The following LDLRAD4 variants were observed in gnomAD, a reference collection of about 807,000 sequenced individuals.
LDLRAD4 encodes low density lipoprotein receptor class A domain containing 4.
A neutral mutation model predicts 17.0 loss-of-function variants in LDLRAD4; 5 were observed. The ratio of observed to expected loss-of-function variants is 0.29; its 90% CI spans 0.15 to 0.62. The LOEUF (loss-of-function observed/expected upper bound fraction) is 0.62, where lower values mean the gene tolerates loss of function less well. Among genes scored for constraint, LDLRAD4 ranks in the 20% least tolerant of loss-of-function variants. LDLRAD4 has a pLI of 0.84. For synonymous variants in LDLRAD4, 168 were observed against 171.8 expected (o/e 0.98, Z 0.17); for missense variants, 340 against 424.7 (o/e 0.80, Z 1.75).
At chr18:13,431,208 T>G (rs1254271282) in intron 2 of LDLRAD4, among the ~76,000 whole-genome samples, 2 of 152,200 alleles carry the variant, frequency 1.3e-5, no homozygotes, top group Non-Finnish European at 2.9e-5. Flanking sequence ...AAGCCACTGT[T>G]GATATATGGG....
At chr18:13,493,642 C>T (rs1034385630) in intron 3 of LDLRAD4, among the ~76,000 whole-genome samples, 1 of 152,150 alleles carries the variant, frequency 6.6e-6, no homozygotes, top group African/African-American at 2.4e-5. Flanking sequence ...CATAGGACAC[C>T]GTGCCTGACT....
intron 3 of LDLRAD4, among the ~76,000 whole-genome samples, chr18:13,442,223 A>G (rs982352999): frequency 2.0e-5 from 3 of 152,252 alleles, no homozygotes; most frequent in East Asian, 3.8e-4. Flanking sequence ...GAAGGAAAAT[A>G]TAGACCCTGC....
intron 1 of LDLRAD4, among the ~76,000 whole-genome samples, chr18:13,368,332 C>T (rs1300388842): frequency 5.3e-5 from 8 of 151,916 alleles, no homozygotes; most frequent in South Asian, 2.1e-4. Flanking sequence ...CTGCAGAGAA[C>T]GGGGGCCTGG....
chr18:13,292,774 G>GGAGATCT (rs2046037408), intron 1 of LDLRAD4, among the ~76,000 whole-genome samples: 1 of 151,288 alleles, frequency 6.6e-6, no homozygotes, highest in African/African-American at 2.4e-5. Context: ...GCAGTAGGTG[G>GGAGATCT]CCTTCTACTT....
intron 3 of LDLRAD4, among the ~76,000 whole-genome samples, chr18:13,554,363 T>A (rs1601341640): frequency 7.4e-6 from 1 of 135,748 alleles, no homozygotes; most frequent in South Asian, 2.1e-4. Context: ...TTTTTCTAGG[T>A]GTCAAGGGAG....
chr18:13,418,741 T>A (rs1331793394), intron 2 of LDLRAD4, among the ~76,000 whole-genome samples: 2 of 152,240 alleles, frequency 1.3e-5, no homozygotes, highest in Non-Finnish European at 2.9e-5. Flanking sequence ...CTGAAGCATT[T>A]ATTTATTCAG....
intron 1 of LDLRAD4, among the ~76,000 whole-genome samples, chr18:13,333,280 A>G (rs2143803476): frequency 6.6e-6 from 1 of 151,990 alleles, no homozygotes; most frequent in Admixed American, 6.5e-5. Context: ...CTTATTTTTG[A>G]GTTTTAAGAA....
chr18:13,335,185 T>C (rs199905497), intron 1 of LDLRAD4, among the ~76,000 whole-genome samples: 1 of 152,332 alleles, frequency 6.6e-6, no homozygotes, highest in East Asian at 1.9e-4. Flanking sequence ...GTAACCTTTT[T>C]GATTATAACT....
intron 1 of LDLRAD4, among the ~76,000 whole-genome samples, chr18:13,331,353 A>G (rs1042576001): frequency 6.6e-6 from 1 of 152,204 alleles, no homozygotes; most frequent in South Asian, 2.1e-4. Flanking sequence ...TTGCTCTCAG[A>G]AGACTTCTGT....
chr18:13,479,973 C>T (rs978386263), intron 3 of LDLRAD4, among the ~76,000 whole-genome samples: 10 of 152,254 alleles, frequency 6.6e-5, no homozygotes, highest in South Asian at 2.1e-4. Context: ...TCATCTATGG[C>T]GGGGGGCAGC....
intron 1 of LDLRAD4, among the ~76,000 whole-genome samples, chr18:13,320,895 A>T (rs1023995228): frequency 6.6e-6 from 1 of 152,028 alleles, no homozygotes; most frequent in Admixed American, 6.6e-5. Context: ...TCCCAGTGGG[A>T]CCCTCCAGAA....
chr18:13,404,259 TC>T (rs2087509016), intron 2 of LDLRAD4, among the ~76,000 whole-genome samples: 1 of 152,152 alleles, frequency 6.6e-6, no homozygotes, highest in Non-Finnish European at 1.5e-5. Context: ...GCATCACTGT[TC>T]CCTTGCTCTG....
chr18:13,552,950 C>A (rs2094449600), intron 3 of LDLRAD4, among the ~76,000 whole-genome samples: 1 of 152,184 alleles, frequency 6.6e-6, no homozygotes, highest in African/African-American at 2.4e-5. Context: ...ATCATTGTAT[C>A]TGGTTCATTT....
intron 3 of LDLRAD4, among the ~76,000 whole-genome samples, chr18:13,444,054 T>C (rs182517290): frequency 3.6e-4 from 55 of 152,298 alleles, no homozygotes; most frequent in African/African-American, 9.9e-4. Flanking sequence ...TGGGGATACA[T>C]CTATAAAGAG....
At chr18:13,638,413 TAATATTA>T (rs1237713149) in intron 4 of LDLRAD4, among the ~76,000 whole-genome samples, 2 of 152,240 alleles carry the variant, frequency 1.3e-5, no homozygotes, top group African/African-American at 2.4e-5. Context: ...TCCATCTGTA[TAATATTA>T]AATTGTCATC....
intron 1 of LDLRAD4, among the ~76,000 whole-genome samples, chr18:13,238,838 A>G (rs2042471493): frequency 6.6e-6 from 1 of 152,058 alleles, no homozygotes; most frequent in South Asian, 2.1e-4. Flanking sequence ...GCTCCTACTC[A>G]ACAGCCCTAG....
intron 3 of LDLRAD4, among the ~76,000 whole-genome samples, chr18:13,475,751 G>A (rs9946125): frequency 0.054 from 8,172 of 152,152 alleles, 752 homozygotes; most frequent in African/African-American, 0.18. Context: ...CTCACAATAA[G>A]CAGCCGTGCA....
chr18:13,266,099 C>A (rs887760701), intron 1 of LDLRAD4, among the ~76,000 whole-genome samples: 1 of 152,204 alleles, frequency 6.6e-6, no homozygotes, highest in African/African-American at 2.4e-5. Flanking sequence ...TGGCAGTGAA[C>A]GTGTGTTTTA....
chr18:13,261,731 C>T (rs117094623), intron 1 of LDLRAD4, among the ~76,000 whole-genome samples: 1 of 152,210 alleles, frequency 6.6e-6, no homozygotes, highest in Non-Finnish European at 1.5e-5. Flanking sequence ...AAGACTTCAT[C>T]TATATTGAAG....
Sources: gnomAD v4.1 joint callset for allele counts (sites outside exome capture counted in the v4.1 genomes callset) on GRCh38, gnomAD v4.1.1 for gene constraint, MANE v1.5 for transcripts, NCBI Gene and HGNC (gene_info 2026-07-23, HGNC 2026-07-21) for gene names.